The following ERBIN variants were observed in gnomAD, a reference collection of about 807,000 sequenced individuals.
The protein encoded by ERBIN is erbb2 interacting protein.
A neutral mutation model predicts 158.4 loss-of-function variants in ERBIN; 60 were observed. That is an observed-to-expected ratio of 0.38 (90% CI 0.31 to 0.47). The LOEUF (loss-of-function observed/expected upper bound fraction) is 0.47, where lower values mean the gene tolerates loss of function less well. ERBIN is among the 20% of genes least tolerant of loss of function. The pLI is 0.99. For synonymous variants in ERBIN, 594 were observed against 557.2 expected, an observed-to-expected ratio of 1.07 and a Z score of -0.93; for missense variants, 1,610 against 1,648.0, an observed-to-expected ratio of 0.98 and a Z score of 0.40.
At chr5:65,954,727 A>G (rs1259603139) in intron 1 of ERBIN, among the ~76,000 whole-genome samples, 1 of 151,990 alleles carries the variant, frequency 6.6e-6, no homozygotes. Flanking sequence ...TTTAGCAGGA[A>G]TATCTTTGCT....
intron 4 of ERBIN, among the ~76,000 whole-genome samples, chr5:65,997,236 G>A (rs1030493604): frequency 6.6e-6 from 1 of 152,210 alleles, no homozygotes; most frequent in African/African-American, 2.4e-5. Flanking sequence ...GATGTGAGCT[G>A]TGGGTTTGTC....
chr5:66,048,289 A>G (rs1396912282), intron 18 of ERBIN, among the ~76,000 whole-genome samples: 1 of 151,984 alleles, frequency 6.6e-6, no homozygotes, highest in Non-Finnish European at 1.5e-5. Context: ...TTTGAACTTA[A>G]TGTTCTGTAG....
chr5:66,033,255 T>A (rs1024493054), intron 14 of ERBIN, among the ~76,000 whole-genome samples: 3 of 152,258 alleles, frequency 2.0e-5, no homozygotes, highest in Non-Finnish European at 2.9e-5. Flanking sequence ...CACATTTGTT[T>A]CAGCCCATGA....
intron 14 of ERBIN, among the ~76,000 whole-genome samples, chr5:66,037,761 AATAG>A (rs1335650859): frequency 6.6e-6 from 1 of 152,202 alleles, no homozygotes; most frequent in African/African-American, 2.4e-5. Context: ...TATATTAAAA[AATAG>A]ATGGATAACA....
rs995246842 is a variant in ERBIN at position 65,962,459 on chromosome 5, A to G, written c.-57-26176A>G. Among the ~76,000 whole-genome samples, 32 of 151,110 alleles carry G rather than the reference A, an allele frequency of 2.1e-4. 1 individual carries two copies. Among genetic ancestry groups the G allele is most frequent in the Non-Finnish European group, 1.5e-4 (10 of 68,012 alleles). On this transcript the variant is annotated intron_variant, in intron 1 of 25. Coordinates refer to ENST00000284037, the MANE Select transcript of ERBIN (RefSeq NM_001253697.2). ...CAAATGTTAGGACTTATGCAACGTG[A>G]GAGAAGAAACTGAATTTGTATACTA...
In ERBIN at chr5:66,074,380, ATTTAATTT is replaced by A. The variant is rs1232523649; in HGVS notation, c.3757-641_3757-634del. 2.0e-5 allele frequency among the ~76,000 whole-genome samples: 3 copies of A among 150,778 alleles called. No individual in the cohort carries two copies. The East Asian group carries it at 5.8e-4, about 29-fold the overall frequency. ...TTTATGAATAGGGTAGAATGTCAAC[ATTTAATTT>A]TTATGGCTAATAGTCTATGGAATTA... On this transcript the variant is annotated intron_variant, in intron 22 of 25. Coordinates refer to ENST00000284037, the MANE Select transcript of ERBIN (RefSeq NM_001253697.2).
intron 1 of ERBIN, among the ~76,000 whole-genome samples, chr5:65,964,908 TTGTGTGTG>T (rs70987104): frequency 0.64 from 68,436 of 106,892 alleles, 23,327 homozygotes; most frequent in Non-Finnish European, 0.76. Context: ...CCTGGCTGAT[TTGTGTGTG>T]TGTGTGTGTG....
chr5:65,998,364 A>T (rs921837934), intron 4 of ERBIN, among the ~76,000 whole-genome samples: 1 of 151,376 alleles, frequency 6.6e-6, no homozygotes, highest in Non-Finnish European at 1.5e-5. Context: ...TTAAGGATTT[A>T]TTATTTGCTT....
At chr5:66,013,789 G>A in intron 6 of ERBIN, 151 bp downstream of exon 6, 5 of 549,834 alleles carry the variant, frequency 9.1e-6, no homozygotes, top group African/African-American at 7.8e-5. Context: ...TTGTTTGGTG[G>A]CTTTGACTTA....
chr5:66,049,533 G>A (rs1402456437), intron 19 of ERBIN, among the ~76,000 whole-genome samples: 2 of 152,054 alleles, frequency 1.3e-5, no homozygotes, highest in Admixed American at 1.3e-4. Flanking sequence ...CCCCCATGAT[G>A]AGGTGGAAGT....
At chr5:66,013,873 C>A (rs1036989420) in intron 6 of ERBIN, among the ~76,000 whole-genome samples, 20 of 151,924 alleles carry the variant, frequency 1.3e-4, no homozygotes, top group African/African-American at 4.8e-4. Flanking sequence ...CAAAACAGGG[C>A]GTTTCAATGG....
Position 65,927,874 on chromosome 5 carries a change from C to CAAA in ERBIN, c.-58+1069_-58+1070insAAA, listed in dbSNP as rs1742856452. Among the ~76,000 whole-genome samples the CAAA allele has an allele frequency of 2.0e-5, 3 of 152,266 alleles. No individual in the cohort carries two copies. In the South Asian group the frequency reaches 6.2e-4, roughly 32 times the overall value. On this transcript the variant is annotated intron_variant, in intron 1 of 25. Transcript: ENST00000284037. The stretch of plus-strand genomic sequence containing the variant: ...ATAGCAGTAAACCCAAAGTTTTTTT[C>CAAA]AGTGGTGTTTTAGTCTTTTTCTGTT...
At chr5:65,949,493 G>C (rs1746239446) in intron 1 of ERBIN, among the ~76,000 whole-genome samples, 1 of 152,204 alleles carries the variant, frequency 6.6e-6, no homozygotes, top group African/African-American at 2.4e-5. Context: ...GTTGAATGTT[G>C]GGATATGAGT....
chr5:65,970,442 C>T (rs1409938320), intron 1 of ERBIN, among the ~76,000 whole-genome samples: 1 of 151,924 alleles, frequency 6.6e-6, no homozygotes, highest in Non-Finnish European at 1.5e-5. Flanking sequence ...GCCTATCCTA[C>T]CGAAGTTTGT....
intron 14 of ERBIN, among the ~76,000 whole-genome samples, chr5:66,031,998 T>C (rs1756934995): frequency 6.6e-6 from 1 of 152,008 alleles, no homozygotes; most frequent in East Asian, 1.9e-4. Context: ...TGCACCACCA[T>C]GACCAACTAG....
chr5:66,033,978 G>A lies in ERBIN; in HGVS notation c.1207-4405G>A, dbSNP rs147793717. On this transcript the variant is annotated intron_variant, in intron 14 of 25. Coordinates refer to ENST00000284037, the MANE Select transcript of ERBIN (RefSeq NM_001253697.2). ...ACAAAAATTAGCCGGGCGTGGTGGC[G>A]TGTGCCTGTAGCCCCAGCTACTCGG... Among the ~76,000 whole-genome samples the A allele has an allele frequency of 2.9e-3, 443 of 152,086 alleles. 4 individuals carry two copies. Among genetic ancestry groups the A allele is most frequent in the African/African-American group, 9.5e-3 (396 of 41,510 alleles).
At chr5:65,939,108 A>G (rs1744444961) in intron 1 of ERBIN, among the ~76,000 whole-genome samples, 1 of 152,190 alleles carries the variant, frequency 6.6e-6, no homozygotes, top group Non-Finnish European at 1.5e-5. Flanking sequence ...AATTCAACCA[A>G]TCATGAATTG....
intron 1 of ERBIN, among the ~76,000 whole-genome samples, chr5:65,962,288 A>G (rs1044924872): frequency 2.0e-5 from 3 of 152,196 alleles, no homozygotes; most frequent in African/African-American, 4.8e-5. Flanking sequence ...ATAAATTGCC[A>G]TTATGAAAAT....
chr5:65,936,177 G>C (rs1412874592), intron 1 of ERBIN, among the ~76,000 whole-genome samples: 3 of 152,092 alleles, frequency 2.0e-5, no homozygotes, highest in Non-Finnish European at 4.4e-5. Context: ...GGTGGGGAGA[G>C]GAGGGTATGT....
Sources: gnomAD v4.1 joint callset for allele counts (sites outside exome capture counted in the v4.1 genomes callset) on GRCh38, gnomAD v4.1.1 for gene constraint, MANE v1.5 for transcripts, NCBI Gene and HGNC (gene_info 2026-07-23, HGNC 2026-07-21) for gene names.